KDM2B: variants seen among roughly 807,000 people sequenced by gnomAD.
The protein encoded by KDM2B is lysine-specific demethylase 2B.
KDM2B carries 26 observed loss-of-function variants against 150.0 expected under a neutral mutation model. That is an observed-to-expected ratio of 0.17 (90% CI 0.13 to 0.24). The LOEUF (loss-of-function observed/expected upper bound fraction) is 0.24. KDM2B is among the 10% of genes least tolerant of loss of function. The pLI is 1.00. For synonymous variants in KDM2B, 734 were observed against 729.5 expected (o/e 1.01, Z -0.10); for missense variants, 1,265 against 1,816.9 (o/e 0.70, Z 5.52).
intron 4 of KDM2B, among the ~76,000 whole-genome samples, chr12:121,560,516 G>C (rs1316149083): frequency 9.2e-5 from 14 of 152,082 alleles, no homozygotes; most frequent in Admixed American, 8.5e-4. Flanking sequence ...AGATCCCTGG[G>C]GTTTCCCTTT....
At chr12:121,415,238 C>A in the KDM2B span, 1 of 271,130 alleles carries the variant, frequency 3.7e-6, no homozygotes, top group South Asian at 3.1e-5. Context: ...TTGATGTTTT[C>A]CAAGTCATTT....
At chr12:121,535,486 T>C (rs1555308577) in intron 6 of KDM2B, among the ~76,000 whole-genome samples, 2 of 152,216 alleles carry the variant, frequency 1.3e-5, no homozygotes, top group African/African-American at 4.8e-5. Flanking sequence ...TAAAATTAAC[T>C]GTGGTTGCAA....
intron 2 of KDM2B, 122 bp downstream of exon 2, chr12:121,578,680 G>T: frequency 2.8e-6 from 1 of 355,198 alleles, no homozygotes; most frequent in Non-Finnish European, 3.9e-6. Flanking sequence ...GCCTCGTTTC[G>T]TCACCGGATC....
At chr12:121,433,859 C>A (rs532246785) in intron 22 of KDM2B, among the ~76,000 whole-genome samples, 32 of 152,200 alleles carry the variant, frequency 2.1e-4, no homozygotes, top group Middle Eastern at 3.4e-3. Flanking sequence ...GCCTGAGCAA[C>A]ACAGTGAGAT....
Position 121,580,905 on chromosome 12 carries a change from C to T in KDM2B, c.7G>A (p.Gly3Ser), listed in dbSNP as rs1555317922. Residue 3 changes from glycine (G) to serine (S), a missense_variant, in exon 1 of 23, where the codon GGT (glycine) becomes AGT (serine). This residue lies in a region of KDM2B where 53 missense variants were observed against 56.0 expected (regional missense o/e 0.95). Coordinates refer to ENST00000377071, the MANE Select transcript of KDM2B (RefSeq NM_032590.5). MAGPQMGGSAEDH... is the reference protein window; with the variant it reads MASPQMGGSAEDH... ...TCTGCAGATCCCCCCATTTGCGGAC[C>T]CGCCATGTGGAGGAGGCATTTGGGG... 2 of 1,613,534 alleles carry T rather than the reference C, an allele frequency of 1.2e-6. No homozygotes were observed. The highest frequency in any genetic ancestry group is 2.2e-5 in the East Asian group (1 of 44,870).
At chr12:121,439,073 GAAC>G (rs1874510052) in intron 22 of KDM2B, among the ~76,000 whole-genome samples, 1 of 152,164 alleles carries the variant, frequency 6.6e-6, no homozygotes, top group South Asian at 2.1e-4. Flanking sequence ...GACAGACAGA[GAAC>G]AATAATGGAA....
intron 9 of KDM2B, among the ~76,000 whole-genome samples, chr12:121,514,085 C>T (rs1232946122): frequency 6.6e-6 from 1 of 152,084 alleles, no homozygotes; most frequent in Non-Finnish European, 1.5e-5. Context: ...CTGAGACCAG[C>T]GTGATGCTGA....
the KDM2B span, chr12:121,416,328 A>G: frequency 6.2e-7 from 1 of 1,614,196 alleles, no homozygotes; most frequent in Non-Finnish European, 8.5e-7. Context: ...GAAGGGCCCA[A>G]CATAGTTTGT....
chr12:121,556,484 A>C (rs1448469207), intron 4 of KDM2B, among the ~76,000 whole-genome samples: 1 of 152,052 alleles, frequency 6.6e-6, no homozygotes, highest in Non-Finnish European at 1.5e-5. Context: ...TGAAGTCCTC[A>C]CCAGAAGCAG....
In KDM2B at chr12:121,579,989, G is replaced by GAAA. The variant is rs35855511; in HGVS notation, c.126+794_126+796dup. The GAAA allele has an allele frequency of 9.3e-4, 1,120 of 1,206,978 alleles. 1 individual carries two copies. Among genetic ancestry groups the GAAA allele is most frequent in the South Asian group, 1.6e-3 (107 of 65,738 alleles). The allele number at this position is 1,206,978 out of a possible 1,614,324, so 74.8% of individuals were successfully genotyped here. On this transcript the variant is annotated intron_variant, in intron 1 of 22. Transcript: ENST00000377071. The stretch of plus-strand genomic sequence containing the variant: ...CTATCATATGCCAGATACAGATTTG[G>GAAA]AAAAAAAAAAAAAAAAAAAAAGCTA...
chr12:121,443,853 G>A, intron 16 of KDM2B, 60 bp from the exon 17 acceptor site: 1 of 1,396,048 alleles, frequency 7.2e-7, no homozygotes, highest in Admixed American at 1.9e-5. Flanking sequence ...CTTTCTTTGG[G>A]GCAGGGCTCT....
intron 4 of KDM2B, among the ~76,000 whole-genome samples, chr12:121,561,271 G>C (rs143858292): frequency 6.6e-6 from 1 of 152,028 alleles, no homozygotes; most frequent in African/African-American, 2.4e-5. Context: ...CCCAGAGCCC[G>C]GCTCTTCCGA....
Position 121,444,509 on chromosome 12 carries a change from C to T in KDM2B, c.2131G>A (p.Asp711Asn), listed in dbSNP as rs781804678. ...CACTCCCAGCAGTTTGGAAGCTCGTCGTTGACCACACCCTCTGACTCCTTA... is the reference window on the plus strand; with the variant it reads ...CACTCCCAGCAGTTTGGAAGCTCGTTGTTGACCACACCCTCTGACTCCTTA... Reference protein sequence around the residue: ...KIKESEGVVNDELPNCWECPK... With the variant: ...KIKESEGVVNNELPNCWECPK... The change falls in exon 15 of 23, where the codon GAC (aspartate) becomes AAC (asparagine). Residue 711 changes from aspartate to asparagine, a missense_variant. By Grantham distance (23) the Asp-to-Asn change is conservative. Coordinates refer to ENST00000377071, the MANE Select transcript of KDM2B (RefSeq NM_032590.5). 3.7e-6 allele frequency: 6 copies of T among 1,614,030 alleles called. No homozygotes were observed. Among genetic ancestry groups the T allele is most frequent in the Admixed American group, 1.7e-5 (1 of 60,004 alleles).
intron 4 of KDM2B, among the ~76,000 whole-genome samples, chr12:121,556,987 G>A (rs80272996): frequency 0.047 from 7,191 of 151,972 alleles, 288 homozygotes; most frequent in Admixed American, 0.078. Context: ...GACCCAGATC[G>A]AACAGTAGAC....
At chr12:121,558,457 T>C (rs1289461982) in intron 4 of KDM2B, among the ~76,000 whole-genome samples, 1 of 146,992 alleles carries the variant, frequency 6.8e-6, no homozygotes, top group Non-Finnish European at 1.5e-5. Flanking sequence ...TTCTTTTTCT[T>C]TTTTTTTTTT....
intron 4 of KDM2B, among the ~76,000 whole-genome samples, chr12:121,550,084 C>T (rs952181357): frequency 5.3e-5 from 8 of 150,908 alleles, no homozygotes; most frequent in East Asian, 1.9e-4. Flanking sequence ...CCGAGGAGGG[C>T]GGATTACCTG....
chr12:121,481,763 TTTTGTTTG>T (rs59507585), intron 12 of KDM2B, among the ~76,000 whole-genome samples: 14 of 148,706 alleles, frequency 9.4e-5, no homozygotes, highest in Non-Finnish European at 1.3e-4. Context: ...TTAGGGTTTT[TTTTGTTTG>T]TTTGTTTGTT....
In KDM2B at chr12:121,509,737, T is replaced by A. The variant is rs782236830; in HGVS notation, c.1477A>T (p.Thr493Ser). The change falls in exon 11 of 23, where the codon ACC (threonine) becomes TCC (serine). Residue 493 changes from threonine (T) to serine (S), a missense_variant. Transcript: ENST00000377071. The stretch of plus-strand genomic sequence containing the variant: ...TCCGTGGCGGGAGAGCCGGTGGGGG[T>A]CTTGGGGTAGTCTACGGCCAATGTG... ...STTLAVDYPK[T>S]PTGSPATEVS... 6.2e-7 allele frequency: 1 copy of A among 1,613,204 alleles called. No homozygotes were observed. The highest frequency in any genetic ancestry group is 8.5e-7 in the Non-Finnish European group (1 of 1,179,838).
chr12:121,524,118 G>T (rs1483343384), intron 8 of KDM2B, among the ~76,000 whole-genome samples: 1 of 152,144 alleles, frequency 6.6e-6, no homozygotes, highest in East Asian at 1.9e-4. Flanking sequence ...GCACAGGCAG[G>T]TGCATCTTAT....
Sources: gnomAD v4.1 joint callset for allele counts (sites outside exome capture counted in the v4.1 genomes callset) on GRCh38, gnomAD v4.1.1 for gene constraint, gnomAD v4.1.1 regional missense constraint, MANE v1.5 for transcripts, NCBI Gene and HGNC (gene_info 2026-07-23, HGNC 2026-07-21) for gene names.